Variants in FAM83H observed in about 807,000 individuals in gnomAD.
FAM83H encodes the protein scaffolding CK1 anchoring protein H, also known as protein FAM83H.
Under a neutral mutation model 30.2 loss-of-function variants are expected in FAM83H, and 24 were observed. The ratio of observed to expected loss-of-function variants is 0.79; its 90% CI spans 0.57 to 1.12. The LOEUF (loss-of-function observed/expected upper bound fraction) is 1.12. Among genes scored for constraint, FAM83H ranks in the 50% most tolerant of loss-of-function variants. The pLI is 0.00. For synonymous variants in FAM83H, 1,013 were observed against 821.7 expected, an observed-to-expected ratio of 1.23 and a Z score of -3.98; for missense variants, 2,038 against 1,773.9, an observed-to-expected ratio of 1.15 and a Z score of -2.67.
Position 143,727,548 on chromosome 8 carries a change from G to T in FAM83H, c.1913C>A (p.Thr638Asn), listed in dbSNP as rs782324197. ...SAFRVPAAFP[T>N]KVPVPGPGSG... ...GCCCGGGCCTGGCACCGGGACCTTG[G>T]TGGGGAAGGCTGCTGGGACGCGGAA... is the stretch of plus-strand genomic sequence containing the variant. The change falls in exon 5 of 5, where the codon ACC becomes AAC. Residue 638 changes from threonine (T) to asparagine (N), a missense_variant. Transcript: ENST00000388913. The T allele has an allele frequency of 6.3e-7, 1 of 1,586,978 alleles. No individual in the cohort carries two copies. Among genetic ancestry groups the T allele is most frequent in the Non-Finnish European group, 8.5e-7 (1 of 1,173,850 alleles).
rs1818260624 is a variant in FAM83H at position 143,725,627 on chromosome 8, G to A, written c.*294C>T. The A allele has an allele frequency of 3.6e-6, 2 of 555,516 alleles. No individual in the cohort carries two copies. Among genetic ancestry groups the A allele is most frequent in the Admixed American group, 6.3e-5 (2 of 31,902 alleles). 34.4% of individuals were successfully genotyped at this position (555,516 alleles called of 1,614,324 possible). On this transcript the variant is annotated 3_prime_UTR_variant, in exon 5 of 5. Transcript: ENST00000388913. ...GACTGAGGCACAAAGAGATGGCGGA[G>A]CCAGACGCTGCGCCACGCAAGGCTG...
chr8:143,728,865 G>A (rs377658092), intron 4 of FAM83H, 102 bp downstream of exon 4: 1 of 1,601,882 alleles, frequency 6.2e-7, no homozygotes, highest in Non-Finnish European at 8.5e-7. Flanking sequence ...GGGGTCTACA[G>A]GACAAGGGCT....
Position 143,728,514 on chromosome 8 carries a change from G to A in FAM83H, c.947C>T (p.Ala316Val), listed in dbSNP as rs1554623470. 6.4e-7 allele frequency: 1 copy of A among 1,558,608 alleles called. No individual in the cohort carries two copies. Among genetic ancestry groups the A allele is most frequent in the Non-Finnish European group, 8.7e-7 (1 of 1,151,452 alleles). ...GPLVGVPGVGAPTPFSFPKRA... is the reference protein window; with the variant it reads ...GPLVGVPGVGVPTPFSFPKRA... ...TTTAGGGAAGGAGAAGGGGGTTGGC[G>A]CCCCGACCCCAGGGACGCCCACGAG... Residue 316 changes from alanine (A) to valine (V), a missense_variant, in exon 5 of 5, where the codon GCG becomes GTG. Ala to Val is a moderately conservative substitution (Grantham distance 64). Transcript: ENST00000388913.
chr8:143,732,090 G>C (rs927790235), intron 1 of FAM83H: 32 of 985,288 alleles, frequency 3.2e-5, no homozygotes, highest in Non-Finnish European at 3.9e-5. Flanking sequence ...GATGGATGCC[G>C]GCCAGCTGGA....
At position 143,730,375 on chromosome 8, in the gene FAM83H, G is replaced by C. The variant is rs1554624107; in HGVS notation, c.208C>G (p.Pro70Ala). ...GGCTCTCGGGTAACATACTGCGGAG[G>C]CCGAAGGTGTCGGCTCACATGTTCC... is the stretch of plus-strand genomic sequence containing the variant. ...ELEHVSRHLR[P>A]PQYVTREPPE... is the part of the protein sequence containing the mutation. Residue 70 changes from proline (P) to alanine (A), a missense_variant, in exon 2 of 5, where the codon CCT becomes GCT. Pro to Ala is a conservative substitution (Grantham distance 27). Transcript: ENST00000388913. 1.2e-6 allele frequency: 2 copies of C among 1,613,556 alleles called. No homozygotes were observed. The highest frequency in any genetic ancestry group is 1.7e-6 in the Non-Finnish European group (2 of 1,180,034).
At position 143,727,967 on chromosome 8, in the gene FAM83H, C is replaced by T. The variant is rs1554623027; in HGVS notation, c.1494G>A (p.Pro498=). 7 of 1,568,124 alleles carry T rather than the reference C, an allele frequency of 4.5e-6. No individual in the cohort carries two copies. In the South Asian group the frequency reaches 5.7e-5, roughly 13 times the overall value. Residue 498 remains proline, a synonymous_variant, in exon 5 of 5, where the codon CCG becomes CCA. Coordinates refer to ENST00000388913, the MANE Select transcript of FAM83H (RefSeq NM_198488.5). ...DFTLGAGPRF[P]ELGPDGHQRL... is the part of the protein sequence containing the mutation. ...GCTGGTGCCCGTCGGGTCCGAGCTC[C>T]GGGAAGCGGGGCCCGGCGCCCAGGG...
chr8:143,726,373 C>G lies in FAM83H; in HGVS notation c.3088G>C (p.Ala1030Pro). 1 of 1,610,908 alleles carries G rather than the reference C, an allele frequency of 6.2e-7. No individual in the cohort carries two copies. The highest frequency in any genetic ancestry group is 1.1e-5 in the South Asian group (1 of 90,816). Residue 1030 changes from alanine to proline, a missense_variant, in exon 5 of 5, where the codon GCC becomes CCC. Coordinates refer to ENST00000388913, the MANE Select transcript of FAM83H (RefSeq NM_198488.5). ...TCCCGAAGGTTGCTGCTGTACAAGG[C>G]GTTGGCCGTGGCTGAGGACAGGCGC... ...RARLSSATAN[A>P]LYSSNLRDDT...
rs1554624035 is a variant in FAM83H at position 143,730,214 on chromosome 8, G to A, written c.369C>T (p.Thr123=). 3.1e-6 allele frequency: 5 copies of A among 1,612,878 alleles called. No homozygotes were observed. In the African/African-American group the frequency reaches 4.0e-5, roughly 13 times the overall value. Residue 123 remains threonine (T), a synonymous_variant, in exon 2 of 5, where the codon ACC becomes ACT. Transcript: ENST00000388913. ...LTFGFQGTEV[T]TLVQPPPPDS... is the part of the protein sequence containing the mutation. ...CGGGGGGCGGTGGCTGCACCAAGGT[G>A]GTCACCTCGGTGCCCTGGAAGCCGA...
At position 143,727,138 on chromosome 8, in the gene FAM83H, C is replaced by T. The variant is rs1554622334; in HGVS notation, c.2323G>A (p.Ala775Thr). The change falls in exon 5 of 5, where the codon GCC (alanine) becomes ACC (threonine). Residue 775 changes from alanine to threonine, a missense_variant. Physicochemically the swap from Ala to Thr is moderately conservative, Grantham distance 58 (BLOSUM62 0). Transcript: ENST00000388913. The stretch of plus-strand genomic sequence containing the variant: ...CGCTCGCCCCCCACGGCACCTGGGG[C>T]CGCCACCTCTTCCCGCCACGCCTGG... ...VSQAWREEVA[A>T]PGAVGGERRS... The T allele has an allele frequency of 6.5e-7, 1 of 1,534,288 alleles. No individual in the cohort carries two copies. Among genetic ancestry groups the T allele is most frequent in the Non-Finnish European group, 8.7e-7 (1 of 1,146,200 alleles).
Position 143,728,246 on chromosome 8 carries a change from G to A in FAM83H, c.1215C>T (p.Asp405=). 5 of 1,574,484 alleles carry A rather than the reference G, an allele frequency of 3.2e-6. No individual in the cohort carries two copies. The highest frequency in any genetic ancestry group is 8.6e-7 in the Non-Finnish European group (1 of 1,166,744). Residue 405 remains aspartate, a synonymous_variant, in exon 5 of 5, where the codon GAC becomes GAT. Transcript: ENST00000388913. ...TCGCGAAGCTGTGCCGCTTGAAGGC[G>A]TCCATCTCCAGGTGCCGCGCCTGGA... The part of the protein sequence containing the change: ...GFFQARHLEM[D]AFKRHSFATE...
In FAM83H at chr8:143,730,600, G is replaced by A; in HGVS notation, c.-15-3C>T. 2 of 1,518,038 alleles carry A rather than the reference G, an allele frequency of 1.3e-6. No homozygotes were observed. Among genetic ancestry groups the A allele is most frequent in the Non-Finnish European group, 1.8e-6 (2 of 1,137,692 alleles). The allele number at this position is 1,518,038 out of a possible 1,614,324, so 94.0% of individuals were successfully genotyped here. On this transcript the variant is annotated splice_region_variant and splice_polypyrimidine_tract_variant and intron_variant, in intron 1 of 4. Transcript: ENST00000388913. ...CGGGCCATGTTGGGGCCAGGGGCCT[G>A]GAGGGGCAGGGAGACACATGACTAG...
At chr8:143,732,634 C>T in intron 1 of FAM83H, 1 of 985,344 alleles carries the variant, frequency 1.0e-6, no homozygotes, top group Non-Finnish European at 1.2e-6. Flanking sequence ...GCAGACATGC[C>T]TCGTCCTCAC....
Position 143,726,877 on chromosome 8 carries a change from C to T in FAM83H, c.2584G>A (p.Val862Met). ...CTCCCTTTTGACTCATTATGGAGCA[C>T]CTGGTGCGCTCCGGACCCTTCCAGC... ...LPLEGSGAHQ[V>M]LHNESKGSPT... The change falls in exon 5 of 5, where the codon GTG (valine) becomes ATG (methionine). Residue 862 changes from valine (V) to methionine (M), a missense_variant. Transcript: ENST00000388913. 1.2e-6 allele frequency: 2 copies of T among 1,612,870 alleles called. No homozygotes were observed. The highest frequency in any genetic ancestry group is 2.2e-5 in the East Asian group (1 of 44,866).
At chr8:143,729,441 A>T in intron 2 of FAM83H, 118 bp from the exon 3 acceptor site, 2 of 1,155,056 alleles carry the variant, frequency 1.7e-6, no homozygotes, top group Non-Finnish European at 2.5e-6. Context: ...GAAACAAGCT[A>T]GTCCATCCTA....
In FAM83H at chr8:143,727,904, C is replaced by T. The variant is rs1456976253; in HGVS notation, c.1557G>A (p.Val519=). 4 of 1,465,990 alleles carry T rather than the reference C, an allele frequency of 2.7e-6. No homozygotes were observed. The highest frequency in any genetic ancestry group is 3.6e-6 in the Non-Finnish European group (4 of 1,117,898). 90.8% of individuals were successfully genotyped at this position (1,465,990 alleles called of 1,614,324 possible). The part of the protein sequence containing the change: ...DYVPSSASRE[V]RHGSDPAFAP... Reference sequence around the variant, plus strand: ...CGAAGGCGGGGTCCGAGCCGTGGCGCACCTCGCGGGACGCGCTGGACGGCA... The same window carrying T: ...CGAAGGCGGGGTCCGAGCCGTGGCGTACCTCGCGGGACGCGCTGGACGGCA... The change falls in exon 5 of 5, where the codon GTG becomes GTA. Residue 519 remains valine (V), a synonymous_variant. Transcript: ENST00000388913.
chr8:143,731,817 G>A (rs1554624562), intron 1 of FAM83H: 1 of 985,316 alleles, frequency 1.0e-6, no homozygotes, highest in Admixed American at 6.2e-5. Context: ...AGCCCACTCT[G>A]TTCTCCAAAG....
In FAM83H at chr8:143,724,926, CCT is replaced by C. The variant is rs1818221396; in HGVS notation, c.*993_*994del. On this transcript the variant is annotated 3_prime_UTR_variant, in exon 5 of 5. Coordinates refer to ENST00000388913, the MANE Select transcript of FAM83H (RefSeq NM_198488.5). ...TGGCCAAGGCGCCCCTTCGGGCTTC[CCT>C]GTGTCCCGTCCCCAGAGGCCTGCCC... 6.6e-6 allele frequency: 1 copy of C among 152,368 alleles called. No individual in the cohort carries two copies. The highest frequency in any genetic ancestry group is 2.4e-5 in the African/African-American group (1 of 41,432). 9.4% of individuals were successfully genotyped at this position (152,368 alleles called of 1,614,324 possible).
Position 143,727,985 on chromosome 8 carries a change from G to A in FAM83H, c.1476C>T (p.Gly492=). ...GFADPDDFTL[G]AGPRFPELGP... is the part of the protein sequence containing the mutation. ...CGAGCTCCGGGAAGCGGGGCCCGGCGCCCAGGGTGAAGTCATCCGGGTCCG... is the reference window on the plus strand; with the variant it reads ...CGAGCTCCGGGAAGCGGGGCCCGGCACCCAGGGTGAAGTCATCCGGGTCCG... The change falls in exon 5 of 5, where the codon GGC becomes GGT. Residue 492 remains glycine, a synonymous_variant. Coordinates refer to ENST00000388913, the MANE Select transcript of FAM83H (RefSeq NM_198488.5). 6.3e-7 allele frequency: 1 copy of A among 1,582,516 alleles called. No homozygotes were observed. Among genetic ancestry groups the A allele is most frequent in the East Asian group, 2.3e-5 (1 of 44,084 alleles).
chr8:143,726,995 T>A lies in FAM83H; in HGVS notation c.2466A>T (p.Thr822=). Reference sequence around the variant, plus strand: ...GGCGGTCGGAGCCGCTCCGGCCCAGTGTGTCGAGCAGCTGCGCCGCGGTGA... The same window carrying A: ...GGCGGTCGGAGCCGCTCCGGCCCAGAGTGTCGAGCAGCTGCGCCGCGGTGA... ...ASLTAAQLLD[T]LGRSGSDRLP... Residue 822 remains threonine, a synonymous_variant, in exon 5 of 5, where the codon ACA becomes ACT. Transcript: ENST00000388913. The A allele has an allele frequency of 6.3e-7, 1 of 1,591,740 alleles. No homozygotes were observed. Among genetic ancestry groups the A allele is most frequent in the Non-Finnish European group, 8.5e-7 (1 of 1,171,076 alleles).
Sources: allele counts gnomAD v4.1 joint callset, GRCh38; gene constraint gnomAD v4.1.1; transcripts MANE v1.5; gene names NCBI Gene and HGNC (gene_info 2026-07-23, HGNC 2026-07-21).